Variants in NPHS1 observed in about 807,000 individuals in gnomAD.
NPHS1 encodes the protein nephrin.
Under a neutral mutation model 139.7 loss-of-function variants are expected in NPHS1, and 107 were observed. The ratio of observed to expected loss-of-function variants is 0.77; its 90% CI spans 0.66 to 0.90. The LOEUF (loss-of-function observed/expected upper bound fraction) is 0.90, where lower values mean the gene tolerates loss of function less well. Ranked by LOEUF, NPHS1 falls within the 40% of genes least tolerant of loss-of-function variation. NPHS1 has a pLI of 0.00. For missense variants in NPHS1, 1,580 were observed against 1,654.2 expected, an observed-to-expected ratio of 0.96 and a Z score of 0.78; for synonymous variants, 707 against 706.6, an observed-to-expected ratio of 1.00 and a Z score of -0.01.
At chr19:35,839,173 T>C in intron 22 of NPHS1, 64 bp downstream of exon 22, 2 of 1,490,614 alleles carry the variant, frequency 1.3e-6, no homozygotes, top group South Asian at 1.1e-5. Flanking sequence ...TAGTATTGAC[T>C]TCACCATACT....
Position 35,851,056 on chromosome 19 carries a change from G to C in NPHS1, c.431C>G (p.Ala144Gly), listed in dbSNP as rs1599847243. 1.1e-5 allele frequency: 17 copies of C among 1,614,212 alleles called. No individual in the cohort carries two copies. Among genetic ancestry groups the C allele is most frequent in the Non-Finnish European group, 1.4e-5 (16 of 1,180,034 alleles). The change falls in exon 4 of 29, where the codon GCA becomes GGA. Residue 144 changes from alanine (A) to glycine (G), a missense_variant. Ala to Gly is a moderately conservative substitution (Grantham distance 60). Transcript: ENST00000378910. ...AGCTACCCAGGTGACCATGGTGCCT[G>C]CCTCTGGGGTCAGCAGGAGCAGCTT... is the stretch of plus-strand genomic sequence containing the variant. Reference protein sequence around the residue: ...PPKLLLLTPEAGTMVTWVAGQ... With the variant: ...PPKLLLLTPEGGTMVTWVAGQ...
intron 28 of NPHS1, among the ~76,000 whole-genome samples, chr19:35,829,587 G>A (rs1249842147): frequency 6.6e-6 from 1 of 151,744 alleles, no homozygotes; most frequent in Non-Finnish European, 1.5e-5. Flanking sequence ...TGCCCAGGCT[G>A]GAGTGCAGTG....
chr19:35,851,421 G>T (rs770784558), intron 2 of NPHS1, 36 bp downstream of exon 2: 1 of 1,612,650 alleles, frequency 6.2e-7, no homozygotes, highest in South Asian at 1.1e-5. Flanking sequence ...CGCAGCTTCC[G>T]CTGGTGGCTG....
At position 35,843,509 on chromosome 19, in the gene NPHS1, T is replaced by C; in HGVS notation, c.2297A>G (p.Asn766Ser). ...GTTGAACATGCCCGGGAGGATGGGA[T>C]TGGCATCGACAGTGCAGACTATGTC... ...SVDIVCTVDA[N>S]PILPGMFNWE... Residue 766 changes from asparagine (N) to serine (S), a missense_variant, in exon 17 of 29, where the codon AAT becomes AGT. By Grantham distance (46) the Asn-to-Ser change is conservative. Coordinates refer to ENST00000378910, the MANE Select transcript of NPHS1 (RefSeq NM_004646.4). 1.9e-6 allele frequency: 3 copies of C among 1,614,100 alleles called. No homozygotes were observed. The highest frequency in any genetic ancestry group is 4.5e-5 in the East Asian group (2 of 44,874).
rs980031531 is a variant in NPHS1, at chr19:35,826,221, A to G, written c.*293T>C. On this transcript the variant is annotated 3_prime_UTR_variant, in exon 29 of 29. Transcript: ENST00000378910. ...CTCAGCCTCCCAAAGTGCTGGGATT[A>G]TAGGCGTGAGTCACCGCACCCGGCA... 24 of 371,362 alleles carry G rather than the reference A, an allele frequency of 6.5e-5. No homozygotes were observed. Among genetic ancestry groups the G allele is most frequent in the African/African-American group, 4.4e-4 (21 of 47,886 alleles). The allele number at this position is 371,362 out of a possible 1,614,324, so 23.0% of individuals were successfully genotyped here.
chr19:35,840,752 G>A (rs544386797), intron 20 of NPHS1, among the ~76,000 whole-genome samples: 11 of 146,748 alleles, frequency 7.5e-5, no homozygotes, highest in South Asian at 2.2e-4. Flanking sequence ...GCGGTGGCGC[G>A]AACTCAGCTC....
chr19:35,836,810 C>T (rs988783744), intron 22 of NPHS1, among the ~76,000 whole-genome samples: 1 of 151,682 alleles, frequency 6.6e-6, no homozygotes, highest in African/African-American at 2.4e-5. Flanking sequence ...GCCTGGCCAA[C>T]ATGGTGAAAC....
chr19:35,841,283 G>A (rs1427231463), intron 20 of NPHS1, among the ~76,000 whole-genome samples: 1 of 152,066 alleles, frequency 6.6e-6, no homozygotes, highest in Non-Finnish European at 1.5e-5. Context: ...TGAGATGAGA[G>A]AATTGCTTGA....
chr19:35,840,689 AT>A lies in NPHS1; in HGVS notation c.2815+1025del, dbSNP rs533775109. ...ATTTGCGTCAAGCAATCAATACATGATTTTTTTTTTTTTTTTTGAGACAGAG... is the reference window on the plus strand; with the variant it reads ...ATTTGCGTCAAGCAATCAATACATGATTTTTTTTTTTTTTTTGAGACAGAG... On this transcript the variant is annotated intron_variant, in intron 20 of 28. Coordinates refer to ENST00000378910, the MANE Select transcript of NPHS1 (RefSeq NM_004646.4). Among the ~76,000 whole-genome samples, 623 of 116,826 alleles carry A rather than the reference AT, an allele frequency of 5.3e-3. 1 individual carries two copies. Among genetic ancestry groups the A allele is most frequent in the Middle Eastern group, 0.014 (2 of 138 alleles). 76.6% of individuals were successfully genotyped at this position (116,826 alleles called of 152,430 possible). A position where few individuals can be genotyped will look rare whatever the true frequency, so the allele number is the denominator to read the frequency against.
rs756084932 is a variant in NPHS1, at chr19:35,844,212, G to T, written c.2103C>A (p.Ser701Arg). 2.5e-6 allele frequency: 4 copies of T among 1,612,574 alleles called. No individual in the cohort carries two copies. The highest frequency in any genetic ancestry group is 3.4e-6 in the Non-Finnish European group (4 of 1,179,938). Residue 701 changes from serine to arginine, a missense_variant, in exon 16 of 29, where the codon AGC becomes AGA. Transcript: ENST00000378910. ...TCACATTCCACAGATGCAGAGCCCC[G>T]CTGGACAGGATGCGATGCCGGGGGC... ...AGGPRHRILS[S>R]GALHLWNVTR...
In NPHS1 at chr19:35,848,754, C is replaced by T. The variant is rs2146827188; in HGVS notation, c.1053G>A (p.Gln351=). The T allele has an allele frequency of 1.2e-6, 2 of 1,614,174 alleles. No homozygotes were observed. The highest frequency in any genetic ancestry group is 1.7e-6 in the Non-Finnish European group (2 of 1,180,036). ...SAIIILGSAS[Q]TENKNVTLSC... ...AGAGTGTCACGTTCTTGTTCTCAGT[C>T]TGGGATGCAGATCCCAAGATAATAA... Residue 351 remains glutamine (Q), a synonymous_variant, in exon 9 of 29, where the codon CAG becomes CAA. Coordinates refer to ENST00000378910, the MANE Select transcript of NPHS1 (RefSeq NM_004646.4).
rs1242339523 is a variant in NPHS1 at position 35,844,221 on chromosome 19, G to A, written c.2094C>T (p.Ile698=). The A allele has an allele frequency of 1.2e-6, 2 of 1,613,000 alleles. No individual in the cohort carries two copies. Among genetic ancestry groups the A allele is most frequent in the African/African-American group, 1.3e-5 (1 of 75,064 alleles). Residue 698 remains isoleucine, a synonymous_variant, in exon 16 of 29, where the codon ATC becomes ATT. Coordinates refer to ENST00000378910, the MANE Select transcript of NPHS1 (RefSeq NM_004646.4). The part of the protein sequence containing the change: ...LSPAGGPRHR[I]LSSGALHLWN... ...ACAGATGCAGAGCCCCGCTGGACAG[G>A]ATGCGATGCCGGGGGCCGCCCGCTG...
chr19:35,836,088 T>A, intron 22 of NPHS1, among the ~76,000 whole-genome samples: 1 of 143,100 alleles, frequency 7.0e-6, no homozygotes, highest in Non-Finnish European at 1.5e-5. Context: ...GCCTCCCAAG[T>A]AGCTGGGACT....
rs1390523402 is a variant in NPHS1 at position 35,843,496 on chromosome 19, C to G, written c.2310G>C (p.Pro770=). Reference sequence around the variant, plus strand: ...CCAGTCTCTCCCAGTTGAACATGCCCGGGAGGATGGGATTGGCATCGACAG... The same window carrying G: ...CCAGTCTCTCCCAGTTGAACATGCCGGGGAGGATGGGATTGGCATCGACAG... The part of the protein sequence containing the change: ...VCTVDANPIL[P]GMFNWERLGE... Residue 770 remains proline (P), a synonymous_variant, in exon 17 of 29, where the codon CCG becomes CCC. Coordinates refer to ENST00000378910, the MANE Select transcript of NPHS1 (RefSeq NM_004646.4). 5 of 1,613,950 alleles carry G rather than the reference C, an allele frequency of 3.1e-6. No individual in the cohort carries two copies. The Admixed American group carries it at 8.3e-5, about 27-fold the overall frequency.
chr19:35,851,930 C>T lies in NPHS1; in HGVS notation c.-93G>A. Reference sequence around the variant, plus strand: ...TGGGTCCCTCTCTGTGTGTCTCTGCCACCTGCTTTTCTTTTTTATCTCTTT... The same window carrying T: ...TGGGTCCCTCTCTGTGTGTCTCTGCTACCTGCTTTTCTTTTTTATCTCTTT... On this transcript the variant is annotated 5_prime_UTR_variant, in exon 1 of 29. Coordinates refer to ENST00000378910, the MANE Select transcript of NPHS1 (RefSeq NM_004646.4). 1.9e-6 allele frequency: 2 copies of T among 1,076,110 alleles called. No homozygotes were observed. The highest frequency in any genetic ancestry group is 1.3e-5 in the South Asian group (1 of 74,354). 66.7% of individuals were successfully genotyped at this position (1,076,110 alleles called of 1,614,324 possible).
rs982550842 is a variant in NPHS1, at chr19:35,844,390, G to A, written c.2000C>T (p.Pro667Leu). ...GGCGGGGTTAGCGGACACGGACACGGGCAGCAACGCCTCGCCCTGCTCCAC... is the reference window on the plus strand; with the variant it reads ...GGCGGGGTTAGCGGACACGGACACGAGCAGCAACGCCTCGCCCTGCTCCAC... ...TAVEQGEALL[P>L]VSVSANPAPE... Residue 667 changes from proline to leucine, a missense_variant, in exon 15 of 29, where the codon CCC (proline) becomes CTC (leucine). Pro to Leu is a moderately conservative substitution (Grantham distance 98). Coordinates refer to ENST00000378910, the MANE Select transcript of NPHS1 (RefSeq NM_004646.4). 6.2e-7 allele frequency: 1 copy of A among 1,612,192 alleles called. No homozygotes were observed. The highest frequency in any genetic ancestry group is 8.5e-7 in the Non-Finnish European group (1 of 1,179,394).
Position 35,851,468 on chromosome 19 carries a change from T to A in NPHS1, c.263A>T (p.Asp88Val), listed in dbSNP as rs1205262136. Residue 88 changes from aspartate (D) to valine (V), a missense_variant, in exon 2 of 29, where the codon GAC (aspartate) becomes GTC (valine). Physicochemically the swap from Asp to Val is radical, Grantham distance 152. Transcript: ENST00000378910. ...CTCTGATCCCTTACCTCTAGCAGGG[T>A]CCCCTTCCAGGCGGTACCTCGGGAA... ...PGFPRYRLEG[D>V]PARGEFHLHI... The A allele has an allele frequency of 4.3e-6, 7 of 1,613,318 alleles. No homozygotes were observed. Among genetic ancestry groups the A allele is most frequent in the Non-Finnish European group, 5.9e-6 (7 of 1,179,952 alleles).
chr19:35,831,544 C>T, intron 24 of NPHS1, 44 bp from the exon 25 acceptor site: 1 of 1,613,426 alleles, frequency 6.2e-7, no homozygotes, highest in Non-Finnish European at 8.5e-7. Flanking sequence ...CTATGCAAGC[C>T]CCCCACCCCG....
chr19:35,835,850 A>G, intron 22 of NPHS1, 89 bp from the exon 23 acceptor site: 1 of 1,172,102 alleles, frequency 8.5e-7, no homozygotes, highest in Non-Finnish European at 1.3e-6. Flanking sequence ...AGCCTATTAG[A>G]TTCATGGGAA....
Sources: gnomAD v4.1 joint callset for allele counts (sites outside exome capture counted in the v4.1 genomes callset) on GRCh38, gnomAD v4.1.1 for gene constraint, MANE v1.5 for transcripts, NCBI Gene and HGNC (gene_info 2026-07-23, HGNC 2026-07-21) for gene names.